SEC14L2: variants seen among roughly 807,000 people sequenced by gnomAD.
SEC14L2 encodes SEC14-like protein 2.
In SEC14L2, 50 loss-of-function variants were observed where a neutral mutation model predicts 56.9. The observed-to-expected ratio is 0.88, with a 90% CI of 0.70 to 1.11. The LOEUF is 1.11. Ranked by LOEUF, SEC14L2 falls within the 50% of genes most tolerant of loss-of-function variation. The pLI is 0.00. For synonymous variants in SEC14L2, 179 were observed against 188.5 expected (o/e 0.95, Z 0.41); for missense variants, 414 against 500.7 (o/e 0.83, Z 1.65).
chr22:30,423,470 G>A lies in SEC14L2; in HGVS notation c.*1063G>A, dbSNP rs1406342122. On this transcript the variant is annotated 3_prime_UTR_variant, in exon 12 of 12. Coordinates refer to ENST00000615189, the MANE Select transcript of SEC14L2 (RefSeq NM_012429.5). ...CCAGGCCTGGAGGCCCCCCAGGCAG[G>A]AGGCCGCCCAAAGGCGGGGCCGGCG... 1 of 152,654 alleles carries A rather than the reference G, an allele frequency of 6.6e-6. No homozygotes were observed. The highest frequency in any genetic ancestry group is 1.5e-5 in the Non-Finnish European group (1 of 68,176). The allele number at this position is 152,654 out of a possible 1,614,324, so 9.5% of individuals were successfully genotyped here.
intron 11 of SEC14L2, chr22:30,416,653 C>T (rs1049574846): frequency 7.0e-6 from 10 of 1,432,746 alleles, no homozygotes; most frequent in Non-Finnish European, 9.1e-6. Context: ...CAGTCCTAGG[C>T]GATCACAGGG....
rs1361115594 is a variant in SEC14L2 at position 30,409,505 on chromosome 22, G to T, written c.580+19G>T. The T allele has an allele frequency of 1.9e-6, 3 of 1,611,838 alleles. No homozygotes were observed. The South Asian group carries it at 3.3e-5, about 18-fold the overall frequency. On this transcript the variant is annotated intron_variant, in intron 7 of 11. Coordinates refer to ENST00000615189, the MANE Select transcript of SEC14L2 (RefSeq NM_012429.5). ...GTTAAAGGTAAGTTGGGAATTTCTT[G>T]TGATAAAGCCAGATGGAAAAGAGGG...
Position 30,407,528 on chromosome 22 carries a change from C to G in SEC14L2, c.348C>G (p.Ser116=), listed in dbSNP as rs781407771. 2 of 1,614,120 alleles carry G rather than the reference C, an allele frequency of 1.2e-6. No homozygotes were observed. The highest frequency in any genetic ancestry group is 3.3e-5 in the Admixed American group (2 of 60,022). The change falls in exon 5 of 12, where the codon TCC becomes TCG. Residue 116 remains serine (S), a synonymous_variant. Coordinates refer to ENST00000615189, the MANE Select transcript of SEC14L2 (RefSeq NM_012429.5). ...CCAAGGGTCTGCTGTTCTCAGCCTC[C>G]AAACAGGACCTGCTGAGGACCAAGA... ...LDAKGLLFSA[S]KQDLLRTKMR...
chr22:30,399,513 C>CAAAAAAA (rs60817387), intron 1 of SEC14L2, 130 bp from the exon 2 acceptor site: 26 of 242,808 alleles, frequency 1.1e-4, no homozygotes, highest in African/African-American at 1.7e-4. Flanking sequence ...GACTCTATCT[C>CAAAAAAA]AAAAAAAAAA....
intron 8 of SEC14L2, among the ~76,000 whole-genome samples, chr22:30,410,957 C>T (rs537341395): frequency 6.6e-6 from 1 of 152,318 alleles, no homozygotes; most frequent in East Asian, 1.9e-4. Flanking sequence ...TACAGTATAA[C>T]AGGAGACAGA....
chr22:30,417,961 G>A (rs1387947557), intron 11 of SEC14L2, among the ~76,000 whole-genome samples: 3 of 152,052 alleles, frequency 2.0e-5, no homozygotes, highest in African/African-American at 4.8e-5. Context: ...GTGAGCAGCC[G>A]GGTCCTGGGG....
intron 8 of SEC14L2, among the ~76,000 whole-genome samples, chr22:30,415,011 C>T (rs903641369): frequency 2.0e-5 from 3 of 152,208 alleles, no homozygotes; most frequent in South Asian, 2.1e-4. Flanking sequence ...GCCCGCCACA[C>T]GTGCTGTTTC....
At chr22:30,413,900 G>A (rs1249133522) in intron 8 of SEC14L2, among the ~76,000 whole-genome samples, 4 of 151,814 alleles carry the variant, frequency 2.6e-5, no homozygotes, top group African/African-American at 7.3e-5. Flanking sequence ...GTACAGTGGC[G>A]TGATCACGGC....
chr22:30,400,700 C>T (rs1933902746), intron 2 of SEC14L2, among the ~76,000 whole-genome samples: 1 of 151,788 alleles, frequency 6.6e-6, no homozygotes, highest in Non-Finnish European at 1.5e-5. Flanking sequence ...TCGAGACCAG[C>T]CTGGCTGACA....
chr22:30,420,085 C>T (rs974424874), intron 11 of SEC14L2, among the ~76,000 whole-genome samples: 2 of 152,084 alleles, frequency 1.3e-5, no homozygotes, highest in African/African-American at 2.4e-5. Flanking sequence ...TCCCAAGTAG[C>T]TGGGATTACA....
At chr22:30,420,572 A>C (rs900145837) in intron 11 of SEC14L2, 2 of 152,182 alleles carry the variant, frequency 1.3e-5, no homozygotes, top group East Asian at 3.8e-4. Context: ...GCAGAGATGA[A>C]GCTTCACTCT....
chr22:30,398,723 C>T (rs1193532649), intron 1 of SEC14L2: 1 of 471,394 alleles, frequency 2.1e-6, no homozygotes, highest in Admixed American at 2.3e-5. Flanking sequence ...GAGACCACCT[C>T]TTTCTTCCCT....
At position 30,410,802 on chromosome 22, in the gene SEC14L2, G is replaced by C. The variant is rs1934228046; in HGVS notation, c.664+123G>C. The C allele has an allele frequency of 3.6e-6, 3 of 841,374 alleles. No homozygotes were observed. The South Asian group carries it at 4.6e-5, about 13-fold the overall frequency. 52.1% of individuals were successfully genotyped at this position (841,374 alleles called of 1,614,324 possible). A position where few individuals can be genotyped will look rare whatever the true frequency, so the allele number is the denominator to read the frequency against. On this transcript the variant is annotated intron_variant, in intron 8 of 11. Transcript: ENST00000615189. ...CCCTCTGCTAGTTTGGGAGCAGTGG[G>C]ACCCAGGAGCAAGCTGGGGTGGAGC...
intron 11 of SEC14L2, chr22:30,416,780 A>C (rs1934402577): frequency 3.2e-6 from 4 of 1,231,498 alleles, no homozygotes; most frequent in Non-Finnish European, 4.1e-6. Context: ...TGGGCATGGG[A>C]TCACAAGGTA....
chr22:30,406,349 C>T lies in SEC14L2; in HGVS notation c.138C>T (p.Ser46=). The T allele has an allele frequency of 1.2e-6, 2 of 1,614,120 alleles. No individual in the cohort carries two copies. Among genetic ancestry groups the T allele is most frequent in the Non-Finnish European group, 1.7e-6 (2 of 1,180,000 alleles). The part of the protein sequence containing the change: ...YFLLRWLRAR[S]FDLQKSEAML... ...ACTGTTTCCCTGTTACAGCCAGAAG[C>T]TTCGACCTGCAGAAGTCGGAGGCCA... The change falls in exon 3 of 12, where the codon AGC becomes AGT. Residue 46 remains serine, a synonymous_variant. Coordinates refer to ENST00000615189, the MANE Select transcript of SEC14L2 (RefSeq NM_012429.5).
intron 8 of SEC14L2, among the ~76,000 whole-genome samples, chr22:30,414,743 C>T (rs1006160045): frequency 6.7e-6 from 1 of 148,642 alleles, no homozygotes; most frequent in Non-Finnish European, 1.5e-5. Context: ...CTCTCCTAGA[C>T]AGGAAGGAGC....
At position 30,423,073 on chromosome 22, in the gene SEC14L2, C is replaced by A. The variant is rs1934565071; in HGVS notation, c.*666C>A. The A allele has an allele frequency of 6.5e-6, 1 of 152,730 alleles. No individual in the cohort carries two copies. The highest frequency in any genetic ancestry group is 2.1e-4 in the South Asian group (1 of 4,832). 9.5% of individuals were successfully genotyped at this position (152,730 alleles called of 1,614,324 possible). ...AATGATTGTCAGTGACTCAGAGCTT[C>A]CTGGGACTTCGGGTACCCACCCGCT... On this transcript the variant is annotated 3_prime_UTR_variant, in exon 12 of 12. Transcript: ENST00000615189.
chr22:30,411,287 CTATGA>C (rs1220087360), intron 8 of SEC14L2, among the ~76,000 whole-genome samples: 1 of 151,782 alleles, frequency 6.6e-6, no homozygotes, highest in African/African-American at 2.4e-5. Context: ...AGAGAGAAAG[CTATGA>C]TATAAACTAG....
At chr22:30,408,102 T>A (rs1254410100) in intron 5 of SEC14L2, among the ~76,000 whole-genome samples, 8 of 143,690 alleles carry the variant, frequency 5.6e-5, no homozygotes, top group African/African-American at 1.8e-4. Flanking sequence ...AGAGACTCCA[T>A]CTCAAAAAAA....
Sources: allele counts gnomAD v4.1 joint callset (sites outside exome capture counted in the v4.1 genomes callset), GRCh38; gene constraint gnomAD v4.1.1; transcripts MANE v1.5; gene names NCBI Gene and HGNC (gene_info 2026-07-23, HGNC 2026-07-21).